Variants in PSD3 observed in about 807,000 individuals in gnomAD.
PSD3 encodes the protein PH and SEC7 domain-containing protein 3.
Under a neutral mutation model 105.5 loss-of-function variants are expected in PSD3, and 49 were observed. That is an observed-to-expected ratio of 0.46 (90% CI 0.37 to 0.59). PSD3 has a LOEUF of 0.59. Among genes scored for constraint, PSD3 ranks in the 20% least tolerant of loss-of-function variants. The pLI is 0.00. For synonymous variants in PSD3, 557 were observed against 457.8 expected (o/e 1.22, Z -2.77); for missense variants, 1,561 against 1,263.8 (o/e 1.24, Z -3.57).
At chr8:18,940,201 T>A (rs1032642918) in intron 1 of PSD3, 3 of 152,218 alleles carry the variant, frequency 2.0e-5, no homozygotes, top group Non-Finnish European at 4.4e-5. Flanking sequence ...GTGATGCTGA[T>A]GTTGCTGGTA....
At chr8:18,912,694 G>A (rs1055118218) in intron 2 of PSD3, among the ~76,000 whole-genome samples, 1 of 152,134 alleles carries the variant, frequency 6.6e-6, no homozygotes, top group Non-Finnish European at 1.5e-5. Flanking sequence ...GTCCCGACCA[G>A]AACCCTCCTC....
At chr8:18,986,694 C>T (rs1039413240) in intron 1 of PSD3, among the ~76,000 whole-genome samples, 5 of 152,176 alleles carry the variant, frequency 3.3e-5, no homozygotes, top group Non-Finnish European at 4.4e-5. Context: ...TCACTTATCG[C>T]TGAATGCCCC....
At chr8:18,917,145 T>C (rs1820675091) in intron 2 of PSD3, among the ~76,000 whole-genome samples, 1 of 152,194 alleles carries the variant, frequency 6.6e-6, no homozygotes, top group Non-Finnish European at 1.5e-5. Context: ...TCCCGTATCA[T>C]ATCAGTAACC....
chr8:18,663,298 G>A (rs1300541065), intron 9 of PSD3, among the ~76,000 whole-genome samples: 1 of 152,080 alleles, frequency 6.6e-6, no homozygotes, highest in Non-Finnish European at 1.5e-5. Context: ...GTGGTGACAC[G>A]TGCCTGTAGT....
intron 1 of PSD3, among the ~76,000 whole-genome samples, chr8:19,028,837 C>G (rs1465823106): frequency 6.6e-6 from 1 of 152,110 alleles, no homozygotes; most frequent in African/African-American, 2.4e-5. Flanking sequence ...ATTTATGAGC[C>G]ATTATGTGTT....
intron 1 of PSD3, among the ~76,000 whole-genome samples, chr8:18,959,892 C>A (rs892558317): frequency 6.6e-6 from 1 of 152,146 alleles, no homozygotes; most frequent in South Asian, 2.1e-4. Flanking sequence ...ATCAGATAAG[C>A]CACTCTTTTT....
chr8:18,763,499 C>T (rs79673068), intron 9 of PSD3, among the ~76,000 whole-genome samples: 6,642 of 152,036 alleles, frequency 0.044, 190 homozygotes, highest in Non-Finnish European at 0.066. Context: ...ATATACTCCA[C>T]CCAATAATTT....
chr8:18,867,531 C>T, intron 4 of PSD3, 143 bp downstream of exon 4: 1 of 1,090,792 alleles, frequency 9.2e-7, no homozygotes, highest in Non-Finnish European at 1.3e-6. Context: ...CCCTAAAACT[C>T]AAATTACTTT....
chr8:18,748,754 C>T (rs939752647), intron 9 of PSD3, among the ~76,000 whole-genome samples: 1 of 151,488 alleles, frequency 6.6e-6, no homozygotes, highest in African/African-American at 2.4e-5. Flanking sequence ...ACACCAAGGA[C>T]CTGCCAACAT....
intron 9 of PSD3, among the ~76,000 whole-genome samples, chr8:18,678,780 C>G (rs1800213473): frequency 6.6e-6 from 1 of 151,344 alleles, no homozygotes; most frequent in Non-Finnish European, 1.5e-5. Context: ...CCATTGCACT[C>G]CAGCCTGGGC....
chr8:19,008,349 T>C (rs1826794439), intron 1 of PSD3, among the ~76,000 whole-genome samples: 1 of 152,142 alleles, frequency 6.6e-6, no homozygotes, highest in Non-Finnish European at 1.5e-5. Context: ...GAAGGCAGAG[T>C]CAGAGGAGAC....
chr8:18,888,596 T>C (rs1818583195), intron 2 of PSD3, among the ~76,000 whole-genome samples: 1 of 152,194 alleles, frequency 6.6e-6, no homozygotes, highest in Non-Finnish European at 1.5e-5. Context: ...GCTCAAGGTT[T>C]TATTACTGAT....
intron 4 of PSD3, among the ~76,000 whole-genome samples, chr8:18,834,649 G>A (rs923090571): frequency 6.6e-6 from 1 of 152,146 alleles, no homozygotes; most frequent in Non-Finnish European, 1.5e-5. Context: ...GAACTGAAAG[G>A]TCACATAAAG....
At chr8:18,889,216 C>G (rs1004042402) in intron 2 of PSD3, among the ~76,000 whole-genome samples, 6 of 152,182 alleles carry the variant, frequency 3.9e-5, no homozygotes, top group Admixed American at 3.9e-4. Context: ...ACAAAAACAG[C>G]ACCTGCTTAG....
chr8:18,819,575 A>ATTTTTTTTTTT lies in PSD3; in HGVS notation c.1635-14688_1635-14678dup, dbSNP rs746931460. Among the ~76,000 whole-genome samples, 73 of 111,314 alleles carry ATTTTTTTTTTT rather than the reference A, an allele frequency of 6.6e-4. 1 individual carries two copies. The highest frequency in any genetic ancestry group is 1.3e-3 in the East Asian group (4 of 2,994). The allele number at this position is 111,314 out of a possible 152,430, so 73.0% of individuals were successfully genotyped here. ...TTCAAATTCTTTAAAATTAGAATGG[A>ATTTTTTTTTTT]TTTTTTTTTTTTTTTTTTTTTGAGA... On this transcript the variant is annotated intron_variant, in intron 4 of 15. Coordinates refer to ENST00000327040, the MANE Select transcript of PSD3 (RefSeq NM_015310.4).
At chr8:18,950,066 AG>A (rs1406788591) in intron 1 of PSD3, among the ~76,000 whole-genome samples, 2 of 152,176 alleles carry the variant, frequency 1.3e-5, no homozygotes, top group Admixed American at 1.3e-4. Context: ...GGCAGTCAAT[AG>A]GTGCCCAATA....
intron 9 of PSD3, among the ~76,000 whole-genome samples, chr8:18,758,181 T>C (rs987945438): frequency 2.6e-5 from 4 of 152,154 alleles, no homozygotes; most frequent in African/African-American, 9.7e-5. Flanking sequence ...CTTATTCTGA[T>C]GTCTCCAGCT....
chr8:18,999,697 A>C (rs1460498149), intron 1 of PSD3, among the ~76,000 whole-genome samples: 1 of 151,876 alleles, frequency 6.6e-6, no homozygotes, highest in African/African-American at 2.4e-5. Context: ...AAATATTTAT[A>C]AAATACAAAT....
chr8:18,981,196 T>C (rs918391974), intron 1 of PSD3, among the ~76,000 whole-genome samples: 3 of 152,190 alleles, frequency 2.0e-5, no homozygotes, highest in African/African-American at 7.2e-5. Context: ...ACATAATGGA[T>C]ACTCAATAAA....
Sources: gnomAD v4.1 joint callset for allele counts (sites outside exome capture counted in the v4.1 genomes callset) on GRCh38, gnomAD v4.1.1 for gene constraint, MANE v1.5 for transcripts, NCBI Gene and HGNC (gene_info 2026-07-23, HGNC 2026-07-21) for gene names.